Variants in PTPRS observed in about 807,000 individuals in gnomAD.
PTPRS encodes the protein protein tyrosine phosphatase receptor type S, also known as receptor-type tyrosine-protein phosphatase S.
PTPRS carries 63 observed loss-of-function variants against 215.3 expected under a neutral mutation model. That is an observed-to-expected ratio of 0.29 (90% confidence interval 0.24 to 0.36). PTPRS has a LOEUF of 0.36. Ranked by LOEUF, PTPRS falls within the 10% of genes least tolerant of loss-of-function variation. The probability of loss-of-function intolerance (pLI) is 1.00; values close to 1 mark genes in which losing one functional copy is unlikely to be tolerated. For synonymous variants in PTPRS, 1,404 were observed against 1,191.4 expected, an observed-to-expected ratio of 1.18 and a Z score of -3.68; for missense variants, 2,258 against 2,825.8, an observed-to-expected ratio of 0.80 and a Z score of 4.56.
At chr19:5,253,956 C>T (rs1433055209) in intron 9 of PTPRS, among the ~76,000 whole-genome samples, 1 of 152,160 alleles carries the variant, frequency 6.6e-6, no homozygotes, top group Non-Finnish European at 1.5e-5. Flanking sequence ...AGTGGGGACT[C>T]CAAGTGGTCA....
chr19:5,317,416 G>A (rs936508220), intron 1 of PTPRS, among the ~76,000 whole-genome samples: 6 of 152,210 alleles, frequency 3.9e-5, no homozygotes, highest in African/African-American at 1.4e-4. Context: ...AGGTTGCAGT[G>A]AGTCGAGATT....
intron 12 of PTPRS, among the ~76,000 whole-genome samples, chr19:5,239,786 A>T (rs1474648308): frequency 6.6e-6 from 1 of 152,082 alleles, no homozygotes; most frequent in Non-Finnish European, 1.5e-5. Flanking sequence ...AAACACAGAG[A>T]CAGATGGAGA....
At chr19:5,224,681 A>G (rs180679553) in intron 17 of PTPRS, among the ~76,000 whole-genome samples, 16 of 152,268 alleles carry the variant, frequency 1.1e-4, no homozygotes, top group Admixed American at 1.0e-3. Context: ...TGCTTAGCAA[A>G]CACAGCTCTA....
intron 1 of PTPRS, among the ~76,000 whole-genome samples, chr19:5,312,825 A>C (rs1411801593): frequency 6.6e-6 from 1 of 152,206 alleles, no homozygotes. Flanking sequence ...TGAGCATCGG[A>C]GAGGTCAAGA....
intron 1 of PTPRS, among the ~76,000 whole-genome samples, chr19:5,321,941 C>G (rs1233269600): frequency 6.6e-6 from 1 of 152,154 alleles, no homozygotes; most frequent in Admixed American, 6.5e-5. Flanking sequence ...TTGCCCAAAC[C>G]CTGAGATGTC....
At chr19:5,222,568 G>A (rs1357692673) in intron 18 of PTPRS, 121 bp downstream of exon 18, 1 of 1,201,616 alleles carries the variant, frequency 8.3e-7, no homozygotes, top group Non-Finnish European at 1.1e-6. Context: ...GACTTGCCTT[G>A]AGTGACCACG....
intron 16 of PTPRS, among the ~76,000 whole-genome samples, chr19:5,228,302 G>A (rs576292908): frequency 1.5e-5 from 2 of 133,548 alleles, no homozygotes; most frequent in African/African-American, 2.9e-5. Context: ...CCGAGATGGC[G>A]CCACTGTACT....
Position 5,220,344 on chromosome 19 carries a change from G to A in PTPRS, c.3465C>T (p.Phe1155=), listed in dbSNP as rs1456044892. The A allele has an allele frequency of 3.1e-6, 5 of 1,613,576 alleles. No individual in the cohort carries two copies. The South Asian group carries it at 4.4e-5, about 14-fold the overall frequency. ...ACTTGCGCAGTGGCACCATCACAAT[G>A]AAATAGCTCCTGTAGGGAGATGGGA... ...GQSPVPVQSY[F]IVMVPLRKSR... is the part of the protein sequence containing the mutation. The change falls in exon 21 of 38, where the codon TTC becomes TTT. Residue 1155 remains phenylalanine, a synonymous_variant. Coordinates refer to ENST00000262963, the MANE Select transcript of PTPRS (RefSeq NM_002850.4).
chr19:5,286,119 C>T lies in PTPRS; in HGVS notation c.22G>A (p.Gly8Ser). ...ATGGGACCAACCACAGACACCATGC[C>T]AGGGCCCCAGGTGGGCGCCATGCTT... MAPTWGP[G>S]MVSVVGPMGL... The change falls in exon 2 of 38, where the codon GGC becomes AGC. Residue 8 changes from glycine (G) to serine (S), a missense_variant. Gly to Ser is a moderately conservative substitution (Grantham distance 56, BLOSUM62 0). This residue lies in a region of PTPRS where 508 missense variants were observed against 799.4 expected (regional missense o/e 0.64). Coordinates refer to ENST00000262963, the MANE Select transcript of PTPRS (RefSeq NM_002850.4). 6.2e-7 allele frequency: 1 copy of T among 1,614,142 alleles called. No individual in the cohort carries two copies. The highest frequency in any genetic ancestry group is 8.5e-7 in the Non-Finnish European group (1 of 1,180,014).
At chr19:5,212,275 C>T (rs765517622) in intron 31 of PTPRS, 25 bp from the exon 32 acceptor site, 3 of 1,608,620 alleles carry the variant, frequency 1.9e-6, no homozygotes, top group South Asian at 2.2e-5. Context: ...ACGTGGCGTT[C>T]AGGGGCTGCT....
chr19:5,258,304 C>T (rs955862512), intron 7 of PTPRS, 177 bp from the exon 8 acceptor site: 6 of 604,186 alleles, frequency 9.9e-6, no homozygotes, highest in Non-Finnish European at 1.2e-5. Context: ...ATAACCTCCA[C>T]CCCCACATCT....
chr19:5,305,279 C>T (rs1002244171), intron 1 of PTPRS, among the ~76,000 whole-genome samples: 2 of 152,328 alleles, frequency 1.3e-5, no homozygotes, highest in East Asian at 1.9e-4. Context: ...AGCATGGTGG[C>T]TCATGCCTGT....
At position 5,222,819 on chromosome 19, in the gene PTPRS, C is replaced by T. The variant is rs571286007; in HGVS notation, c.2973G>A (p.Ala991=). The T allele has an allele frequency of 6.1e-5, 98 of 1,596,040 alleles. No individual in the cohort carries two copies. Among genetic ancestry groups the T allele is most frequent in the African/African-American group, 1.2e-4 (9 of 74,562 alleles). The part of the protein sequence containing the change: ...TELPAAAEPG[A]ENALTLQGLK... ...GGCCCTGCAGCGTGAGCGCGTTCTC[C>T]GCGCCCGGCTCAGCCGCTGCCGGCA... is the stretch of plus-strand genomic sequence containing the variant. Residue 991 remains alanine (A), a synonymous_variant, in exon 18 of 38, where the codon GCG becomes GCA. Transcript: ENST00000262963.
At chr19:5,218,625 G>C in intron 24 of PTPRS, 93 bp from the exon 25 acceptor site, 1 of 1,511,496 alleles carries the variant, frequency 6.6e-7, no homozygotes, top group African/African-American at 1.4e-5. Context: ...GGTAAGAAAA[G>C]GACCATGGAC....
At chr19:5,280,712 A>T (rs2047772709) in intron 2 of PTPRS, among the ~76,000 whole-genome samples, 2 of 151,320 alleles carry the variant, frequency 1.3e-5, no homozygotes, top group Admixed American at 1.3e-4. Flanking sequence ...CAAAAGCAAA[A>T]CTCTGTCTCC....
chr19:5,265,261 G>C (rs1233738908), intron 4 of PTPRS, 65 bp from the exon 5 acceptor site: 19 of 1,452,896 alleles, frequency 1.3e-5, no homozygotes, highest in Non-Finnish European at 1.8e-5. Context: ...TCCTGAGCCT[G>C]GGGCTCAGGG....
chr19:5,257,321 A>C lies in PTPRS; in HGVS notation c.706+696T>G. ...GAGTGGGAATTGGAAACTGAGAGTA[A>C]CAAGCTTCGCTGGGTGCCGTGCCTG... On this transcript the variant is annotated intron_variant, in intron 8 of 37. Transcript: ENST00000262963. This position sits in a 1 kb window ranked among gnomAD's most constrained non-coding sequence, Gnocchi z 4.4. The C allele has an allele frequency of 2.4e-6, 1 of 423,576 alleles. No individual in the cohort carries two copies. Among genetic ancestry groups the C allele is most frequent in the Non-Finnish European group, 4.8e-6 (1 of 206,382 alleles). 26.2% of individuals were successfully genotyped at this position (423,576 alleles called of 1,614,324 possible). A position where few individuals can be genotyped will look rare whatever the true frequency, so the allele number is the denominator to read the frequency against.
Position 5,210,518 on chromosome 19 carries a change from T to A in PTPRS, c.5438A>T (p.Tyr1813Phe). The part of the protein sequence containing the change: ...QYFVVDPMAE[Y>F]NMPQYILREF... ...TCGCAGGATATACTGAGGCATGTTGTATTCTGCCATCGGATCTACCACAAA... is the reference window on the plus strand; with the variant it reads ...TCGCAGGATATACTGAGGCATGTTGAATTCTGCCATCGGATCTACCACAAA... Residue 1813 changes from tyrosine to phenylalanine, a missense_variant, in exon 35 of 38, where the codon TAC becomes TTC. Transcript: ENST00000262963. The surrounding 1 kb of genome is among the most constrained non-coding windows in gnomAD (Gnocchi z 4.5). 1 of 1,614,216 alleles carries A rather than the reference T, an allele frequency of 6.2e-7. No homozygotes were observed. Among genetic ancestry groups the A allele is most frequent in the Non-Finnish European group, 8.5e-7 (1 of 1,180,032 alleles).
rs538794414 is a variant in PTPRS, at chr19:5,287,584, C to T, written c.-94-1350G>A. On this transcript the variant is annotated intron_variant, in intron 1 of 37. Transcript: ENST00000262963. This position sits in a 1 kb window ranked among gnomAD's most constrained non-coding sequence, Gnocchi z 4.8. ...CACCCATGCCAGCCCATGCCCTGGGCGGGTCCAGGCCGTGACCACAGGAAC... is the reference window on the plus strand; with the variant it reads ...CACCCATGCCAGCCCATGCCCTGGGTGGGTCCAGGCCGTGACCACAGGAAC... Among the ~76,000 whole-genome samples, 16 of 152,238 alleles carry T rather than the reference C, an allele frequency of 1.1e-4. No individual in the cohort carries two copies. Among genetic ancestry groups the T allele is most frequent in the African/African-American group, 3.1e-4 (13 of 41,540 alleles).
Sources: allele counts gnomAD v4.1 joint callset (sites outside exome capture counted in the v4.1 genomes callset), GRCh38; gene constraint gnomAD v4.1.1; regional missense constraint gnomAD v4.1.1; non-coding constraint Gnocchi (gnomAD v3.1); transcripts MANE v1.5; gene names NCBI Gene and HGNC (gene_info 2026-07-23, HGNC 2026-07-21).